Variants in RPS6KA2 observed in about 807,000 individuals in gnomAD.
RPS6KA2 encodes the protein ribosomal protein S6 kinase alpha-2.
In RPS6KA2, 42 loss-of-function variants were observed where a neutral mutation model predicts 91.8. The observed-to-expected ratio is 0.46, with a 90% CI of 0.36 to 0.59. The LOEUF is 0.59. Ranked by LOEUF, RPS6KA2 falls within the 20% of genes least tolerant of loss-of-function variation. RPS6KA2 has a pLI of 0.00. For synonymous variants in RPS6KA2, 414 were observed against 393.6 expected (o/e 1.05, Z -0.61); for missense variants, 798 against 978.5 (o/e 0.82, Z 2.46).
chr6:166,418,936 G>A lies in RPS6KA2; in HGVS notation c.1821-594C>T, dbSNP rs537474524. On this transcript the variant is annotated intron_variant, in intron 18 of 20. Transcript: ENST00000265678. The surrounding 1 kb of genome is among the most constrained non-coding windows in gnomAD (Gnocchi z 4.9). ...AGCGCTTCCTCTAGTGGGAAAGTGTGTGATCTAGTTTTCCGTATAGGCAAA... is the reference window on the plus strand; with the variant it reads ...AGCGCTTCCTCTAGTGGGAAAGTGTATGATCTAGTTTTCCGTATAGGCAAA... Among the ~76,000 whole-genome samples the A allele has an allele frequency of 6.6e-6, 1 of 152,376 alleles. No homozygotes were observed. Among genetic ancestry groups the A allele is most frequent in the East Asian group, 1.9e-4 (1 of 5,188 alleles).
chr6:166,673,099 A>G (rs1233491248), intron 2 of RPS6KA2, among the ~76,000 whole-genome samples: 1 of 152,020 alleles, frequency 6.6e-6, no homozygotes, highest in Non-Finnish European at 1.5e-5. Flanking sequence ...CACTCACTGT[A>G]AAGGGAGATG....
Position 166,490,891 on chromosome 6 carries a change from G to T in RPS6KA2, c.748-150C>A. On this transcript the variant is annotated intron_variant, in intron 8 of 20. Transcript: ENST00000265678. This position sits in a 1 kb window ranked among gnomAD's most constrained non-coding sequence, Gnocchi z 4.2. ...TTGTAGCCACTGGCCTACGTGCTTG[G>T]GGTACAACAGTGACTAAAACTGCCT... 2 of 622,416 alleles carry T rather than the reference G, an allele frequency of 3.2e-6. No individual in the cohort carries two copies. Among genetic ancestry groups the T allele is most frequent in the South Asian group, 2.0e-5 (1 of 49,114 alleles). 38.6% of individuals were successfully genotyped at this position (622,416 alleles called of 1,614,324 possible). A position where few individuals can be genotyped will look rare whatever the true frequency, so the allele number is the denominator to read the frequency against.
chr6:166,622,142 G>A (rs1786661004), intron 1 of RPS6KA2, among the ~76,000 whole-genome samples: 1 of 152,164 alleles, frequency 6.6e-6, no homozygotes, highest in Non-Finnish European at 1.5e-5. Context: ...GTCAGCACGT[G>A]GGTTTACGGA....
At chr6:166,620,357 T>A (rs964029192) in intron 1 of RPS6KA2, among the ~76,000 whole-genome samples, 1 of 152,216 alleles carries the variant, frequency 6.6e-6, no homozygotes, top group Non-Finnish European at 1.5e-5. Flanking sequence ...TCTAAAAGGC[T>A]AGATAATTTC....
intron 11 of RPS6KA2, among the ~76,000 whole-genome samples, chr6:166,467,217 C>T (rs115949282): frequency 8.3e-6 from 1 of 120,022 alleles, no homozygotes; most frequent in Non-Finnish European, 1.9e-5. Flanking sequence ...TTCACTCCCT[C>T]ACTCATTCAC....
rs1476320537 is a variant in RPS6KA2, at chr6:166,410,239, CTA to C, written c.*2521_*2522del. ...AGAGCCAGTTAACTTTTGGGGAGGT[CTA>C]TGTCATTTGTGCAAATCATACGGAG... On this transcript the variant is annotated 3_prime_UTR_variant, in exon 21 of 21. Coordinates refer to ENST00000265678, the MANE Select transcript of RPS6KA2 (RefSeq NM_021135.6). 1.3e-5 allele frequency: 2 copies of C among 152,186 alleles called. No individual in the cohort carries two copies. Among genetic ancestry groups the C allele is most frequent in the East Asian group, 3.9e-4 (2 of 5,194 alleles). 9.4% of individuals were successfully genotyped at this position (152,186 alleles called of 1,614,324 possible). A position where few individuals can be genotyped will look rare whatever the true frequency, so the allele number is the denominator to read the frequency against.
intron 2 of RPS6KA2, among the ~76,000 whole-genome samples, chr6:166,695,110 A>C (rs1465053477): frequency 6.6e-6 from 1 of 152,220 alleles, no homozygotes; most frequent in African/African-American, 2.4e-5. Flanking sequence ...CAAATCTATG[A>C]ATACAGTTGA....
chr6:166,697,130 G>C (rs970954044), intron 2 of RPS6KA2, among the ~76,000 whole-genome samples: 1 of 151,680 alleles, frequency 6.6e-6, no homozygotes, highest in African/African-American at 2.4e-5. Flanking sequence ...TATAGATATA[G>C]ATACATATCC....
intron 2 of RPS6KA2, among the ~76,000 whole-genome samples, chr6:166,811,007 T>C (rs1779626558): frequency 6.6e-6 from 1 of 152,110 alleles, no homozygotes. Context: ...CCCGCACAGC[T>C]GGCAAATAGT....
intron 14 of RPS6KA2, among the ~76,000 whole-genome samples, chr6:166,447,729 A>G (rs555261186): frequency 6.6e-6 from 1 of 152,270 alleles, no homozygotes; most frequent in Non-Finnish European, 1.5e-5. Context: ...AGTTGATGAA[A>G]ATTACTCTTT....
intron 2 of RPS6KA2, among the ~76,000 whole-genome samples, chr6:166,772,302 G>T (rs1778496195): frequency 6.6e-6 from 1 of 151,356 alleles, no homozygotes; most frequent in African/African-American, 2.4e-5. Flanking sequence ...CCTCAGAGCT[G>T]TCAGCCCCCT....
intron 2 of RPS6KA2, among the ~76,000 whole-genome samples, chr6:166,854,219 C>T (rs746466654): frequency 3.9e-4 from 60 of 152,208 alleles, no homozygotes; most frequent in Non-Finnish European, 6.6e-4. Context: ...ATTGCAGTAA[C>T]ACCCAAGCTC....
At chr6:166,751,522 G>A (rs191566423) in intron 2 of RPS6KA2, among the ~76,000 whole-genome samples, 2 of 152,380 alleles carry the variant, frequency 1.3e-5, no homozygotes, top group East Asian at 3.9e-4. Context: ...GCCCAAGGCA[G>A]ATAACAGATG....
intron 2 of RPS6KA2, among the ~76,000 whole-genome samples, chr6:166,731,667 G>A (rs1389616354): frequency 6.6e-6 from 1 of 151,950 alleles, no homozygotes; most frequent in African/African-American, 2.4e-5. Flanking sequence ...GGAGGTAAAT[G>A]ACCCTGGCCT....
At chr6:166,475,262 G>T (rs1463938401) in intron 10 of RPS6KA2, among the ~76,000 whole-genome samples, 2 of 152,156 alleles carry the variant, frequency 1.3e-5, no homozygotes, top group Non-Finnish European at 2.9e-5. Flanking sequence ...ACAGTGCGAA[G>T]AAACAAGACT....
chr6:166,416,649 C>T (rs539473492), intron 19 of RPS6KA2, among the ~76,000 whole-genome samples: 2 of 147,532 alleles, frequency 1.4e-5, no homozygotes, highest in East Asian at 4.1e-4. Context: ...CTGCTCCCAC[C>T]ATTACCTCCA....
chr6:166,802,681 C>T (rs115142020), intron 2 of RPS6KA2, among the ~76,000 whole-genome samples: 1,850 of 152,230 alleles, frequency 0.012, 47 homozygotes, highest in African/African-American at 0.042. Flanking sequence ...ACATGAAAAC[C>T]AGTTGATCTG....
chr6:166,548,788 G>C (rs1032917977), intron 1 of RPS6KA2, among the ~76,000 whole-genome samples: 2 of 152,140 alleles, frequency 1.3e-5, no homozygotes, highest in African/African-American at 4.8e-5. Flanking sequence ...AAAATTCTTA[G>C]ACATGACACC....
chr6:166,507,990 CCACCA>C (rs1782311266), intron 5 of RPS6KA2, among the ~76,000 whole-genome samples: 2 of 150,172 alleles, frequency 1.3e-5, no homozygotes, highest in Non-Finnish European at 3.0e-5. Flanking sequence ...TCGCAACCCC[CCACCA>C]CACATCATGC....
Sources: gnomAD v4.1 joint callset for allele counts (sites outside exome capture counted in the v4.1 genomes callset) on GRCh38, gnomAD v4.1.1 for gene constraint, Gnocchi (gnomAD v3.1) non-coding constraint, MANE v1.5 for transcripts, NCBI Gene and HGNC (gene_info 2026-07-23, HGNC 2026-07-21) for gene names.